The following PLEKHA8 variants were observed in gnomAD, a reference collection of about 807,000 sequenced individuals.
PLEKHA8 encodes the protein pleckstrin homology domain containing A8.
A neutral mutation model predicts 68.2 loss-of-function variants in PLEKHA8; 36 were observed. That is an observed-to-expected ratio of 0.53 (90% CI 0.40 to 0.70). PLEKHA8 has a LOEUF of 0.70. Ranked by LOEUF, PLEKHA8 falls within the 30% of genes least tolerant of loss-of-function variation. The pLI is 0.00. For synonymous variants in PLEKHA8, 211 were observed against 216.1 expected (o/e 0.98, Z 0.20); for missense variants, 505 against 615.4 (o/e 0.82, Z 1.90).
rs876050 is a variant in PLEKHA8 at position 30,079,794 on chromosome 7, G to C, written c.*1007G>C. ...GTGGGACATAGGAATCTGCATTTCA[G>C]TAAACTTTACACGTGATTCTTCTGC... is the stretch of plus-strand genomic sequence containing the variant. On this transcript the variant is annotated 3_prime_UTR_variant, in exon 14 of 14. Transcript: ENST00000449726. The C allele has an allele frequency of 1.2e-6, 1 of 860,878 alleles. No individual in the cohort carries two copies. Among genetic ancestry groups the C allele is most frequent in the African/African-American group, 1.8e-5 (1 of 54,420 alleles). The allele number at this position is 860,878 out of a possible 1,614,324, so 53.3% of individuals were successfully genotyped here.
At chr7:30,052,908 G>C in intron 7 of PLEKHA8, 42 bp downstream of exon 7, 1 of 1,502,404 alleles carries the variant, frequency 6.7e-7, no homozygotes, top group Non-Finnish European at 8.9e-7. Context: ...AATTTTAGAT[G>C]ATAGAAAATT....
chr7:30,116,251 C>T (rs200568576), intron 13 of PLEKHA8, among the ~76,000 whole-genome samples: 1 of 140,240 alleles, frequency 7.1e-6, no homozygotes, highest in African/African-American at 3.1e-5. Context: ...TATACATGTA[C>T]ACGTATACAT....
At chr7:30,120,754 T>C (rs1373710745) in intron 13 of PLEKHA8, among the ~76,000 whole-genome samples, 1 of 152,242 alleles carries the variant, frequency 6.6e-6, no homozygotes, top group East Asian at 1.9e-4. Flanking sequence ...GTTGGCTTGA[T>C]TGGTGGCCAC....
At chr7:30,090,032 A>G (rs1285964577) in intron 12 of PLEKHA8, 10 of 938,474 alleles carry the variant, frequency 1.1e-5, no homozygotes, top group Non-Finnish European at 1.6e-5. Flanking sequence ...ATTCTGACAT[A>G]AGAATAATTG....
At position 30,078,825 on chromosome 7, in the gene PLEKHA8, G is replaced by A; in HGVS notation, c.*38G>A. 3 of 1,593,716 alleles carry A rather than the reference G, an allele frequency of 1.9e-6. No homozygotes were observed. The highest frequency in any genetic ancestry group is 2.6e-6 in the Non-Finnish European group (3 of 1,168,946). The stretch of plus-strand genomic sequence containing the variant: ...AGCACCTCCTAACTTCAGGGAATAA[G>A]TGCTAAAGTGTTTTGTTGCCCTACT... On this transcript the variant is annotated 3_prime_UTR_variant, in exon 14 of 14. Coordinates refer to ENST00000449726, the MANE Select transcript of PLEKHA8 (RefSeq NM_001197026.2).
intron 13 of PLEKHA8, among the ~76,000 whole-genome samples, chr7:30,104,284 CT>C (rs1000184360): frequency 2.6e-5 from 4 of 152,214 alleles, no homozygotes; most frequent in African/African-American, 9.6e-5. Flanking sequence ...CTGGTAATTT[CT>C]TTTAAACTCC....
chr7:30,030,437 A>G (rs574374049), intron 1 of PLEKHA8, among the ~76,000 whole-genome samples: 2 of 152,114 alleles, frequency 1.3e-5, no homozygotes, highest in Admixed American at 6.5e-5. Context: ...ATAAAGCAGA[A>G]CTCTCTAGAA....
At chr7:30,032,838 G>C (rs1306390510) in intron 1 of PLEKHA8, among the ~76,000 whole-genome samples, 1 of 152,210 alleles carries the variant, frequency 6.6e-6, no homozygotes, top group Non-Finnish European at 1.5e-5. Flanking sequence ...CAGCTGATAG[G>C]AGGGCTGCTG....
intron 13 of PLEKHA8, among the ~76,000 whole-genome samples, chr7:30,104,944 A>C (rs888243869): frequency 1.3e-5 from 2 of 151,916 alleles, no homozygotes; most frequent in African/African-American, 2.4e-5. Context: ...GCTGGTCTCG[A>C]ACTCCTGAAC....
chr7:30,116,275 T>C (rs571273436), intron 13 of PLEKHA8, among the ~76,000 whole-genome samples: 150 of 151,778 alleles, frequency 9.9e-4, no homozygotes, highest in African/African-American at 3.4e-3. Flanking sequence ...TACATGTATG[T>C]ATGTATACAT....
chr7:30,065,037 C>T (rs1360654610), intron 12 of PLEKHA8, among the ~76,000 whole-genome samples: 4 of 152,126 alleles, frequency 2.6e-5, no homozygotes, highest in Non-Finnish European at 4.4e-5. Context: ...CCCAATTCTG[C>T]CCACTTTTCT....
At position 30,116,025 on chromosome 7, in the gene PLEKHA8, TATAC is replaced by T. The variant is rs559049643; in HGVS notation, c.1363-13234_1363-13231del. ...ATACGCATACATACGCATACATACGTATACATACATGTGCGCATACGCATACATA... is the reference window on the plus strand; with the variant it reads ...ATACGCATACATACGCATACATACGTATACATGTGCGCATACGCATACATA... On this transcript the variant is annotated intron_variant, in intron 13 of 13. Transcript: ENST00000396257. The T allele has an allele frequency of 2.0e-3, 295 of 148,242 alleles. 38 individuals carry two copies. The highest frequency in any genetic ancestry group is 6.5e-3 in the African/African-American group (264 of 40,398). 9.2% of individuals were successfully genotyped at this position (148,242 alleles called of 1,614,324 possible).
rs1562863192 is a variant in PLEKHA8, at chr7:30,049,401, T to TTGGC, written c.597+22_597+25dup. On this transcript the variant is annotated intron_variant, in intron 5 of 13. Transcript: ENST00000449726. ...CAGCAAGGTAAAAGTCCAGCTCAGTTTGGCTGCAACAAGGCATCAAGAAAA... is the reference window on the plus strand; with the variant it reads ...CAGCAAGGTAAAAGTCCAGCTCAGTTTGGCTGGCTGCAACAAGGCATCAAGAAAA... The TTGGC allele has an allele frequency of 1.9e-6, 3 of 1,609,126 alleles. No individual in the cohort carries two copies. The highest frequency in any genetic ancestry group is 2.5e-6 in the Non-Finnish European group (3 of 1,176,748).
intron 13 of PLEKHA8, among the ~76,000 whole-genome samples, chr7:30,108,622 G>T (rs1228862138): frequency 2.0e-5 from 3 of 152,116 alleles, no homozygotes; most frequent in South Asian, 2.1e-4. Flanking sequence ...CTAAGAAACT[G>T]CAGTTTGTCT....
At chr7:30,056,362 T>C (rs1306529771) in intron 9 of PLEKHA8, among the ~76,000 whole-genome samples, 8 of 139,478 alleles carry the variant, frequency 5.7e-5, no homozygotes, top group Admixed American at 1.5e-4. Flanking sequence ...ATATAACACA[T>C]ATATATATAA....
intron 12 of PLEKHA8, among the ~76,000 whole-genome samples, chr7:30,063,167 G>A (rs1037255101): frequency 1.3e-5 from 2 of 152,184 alleles, no homozygotes; most frequent in Non-Finnish European, 1.5e-5. Flanking sequence ...AAAGGTTTTC[G>A]TCGTCGTCGT....
chr7:30,069,595 GA>G, intron 12 of PLEKHA8: 1 of 152,338 alleles, frequency 6.6e-6, no homozygotes, highest in Middle Eastern at 3.4e-3. Flanking sequence ...AAATGAATGA[GA>G]GCTGTGCTGT....
intron 13 of PLEKHA8, among the ~76,000 whole-genome samples, chr7:30,106,290 T>C (rs949390726): frequency 2.6e-5 from 4 of 152,194 alleles, no homozygotes; most frequent in African/African-American, 7.2e-5. Flanking sequence ...CTTGAACTCC[T>C]GACCTCAAAT....
chr7:30,045,859 G>T (rs1217587679), intron 2 of PLEKHA8, among the ~76,000 whole-genome samples: 1 of 152,012 alleles, frequency 6.6e-6, no homozygotes, highest in East Asian at 1.9e-4. Flanking sequence ...CTTGTTTCTT[G>T]GCCTCAGAGC....
Sources: gnomAD v4.1 joint callset for allele counts (sites outside exome capture counted in the v4.1 genomes callset) on GRCh38, gnomAD v4.1.1 for gene constraint, MANE v1.5 for transcripts, NCBI Gene and HGNC (gene_info 2026-07-23, HGNC 2026-07-21) for gene names.